Variants in KCNAB1 observed in about 807,000 individuals in gnomAD.
KCNAB1 encodes potassium voltage-gated channel subfamily A regulatory beta subunit 1.
Under a neutral mutation model 64.6 loss-of-function variants are expected in KCNAB1, and 35 were observed. That is an observed-to-expected ratio of 0.54 (90% CI 0.41 to 0.72). The LOEUF (loss-of-function observed/expected upper bound fraction) is 0.72. KCNAB1 is among the 30% of genes least tolerant of loss of function. The pLI is 0.00. For missense variants in KCNAB1, 401 were observed against 512.9 expected (o/e 0.78, Z 2.11); for synonymous variants, 177 against 183.8 (o/e 0.96, Z 0.30).
intron 8 of KCNAB1, among the ~76,000 whole-genome samples, chr3:156,503,151 T>C (rs1388402770): frequency 6.6e-6 from 1 of 152,190 alleles, no homozygotes; most frequent in Non-Finnish European, 1.5e-5. Flanking sequence ...ACTGATTACT[T>C]GGAATCACCA....
chr3:156,395,567 A>G (rs1287050181), intron 1 of KCNAB1, among the ~76,000 whole-genome samples: 3 of 127,546 alleles, frequency 2.4e-5, no homozygotes, highest in Admixed American at 2.2e-4. Flanking sequence ...AAAAAAAAAA[A>G]AAAAAAAAAA....
chr3:156,328,691 T>G (rs969527859), intron 1 of KCNAB1, among the ~76,000 whole-genome samples: 2 of 152,228 alleles, frequency 1.3e-5, no homozygotes, highest in Non-Finnish European at 2.9e-5. Context: ...AGTTGCATCT[T>G]CTGATCTCTG....
At chr3:156,321,411 A>G (rs1389291506) in intron 1 of KCNAB1, among the ~76,000 whole-genome samples, 2 of 152,062 alleles carry the variant, frequency 1.3e-5, no homozygotes, top group African/African-American at 4.8e-5. Context: ...TGAGGCAAAT[A>G]CTCTATTATC....
chr3:156,501,324 G>C (rs1235697430), intron 8 of KCNAB1, among the ~76,000 whole-genome samples: 1 of 151,044 alleles, frequency 6.6e-6, no homozygotes, highest in South Asian at 2.1e-4. Context: ...AGGAGTATAT[G>C]GTATATGAAT....
At chr3:156,237,044 T>C (rs1013634299) in intron 1 of KCNAB1, among the ~76,000 whole-genome samples, 2 of 152,170 alleles carry the variant, frequency 1.3e-5, no homozygotes, top group African/African-American at 4.8e-5. Flanking sequence ...GCTAGGCTCT[T>C]TGTAAGGACG....
At chr3:156,490,190 T>C (rs1430279300) in intron 8 of KCNAB1, among the ~76,000 whole-genome samples, 1 of 151,976 alleles carries the variant, frequency 6.6e-6, no homozygotes, top group Non-Finnish European at 1.5e-5. Context: ...ACCCTCCCCA[T>C]GCAGAAGACA....
chr3:156,295,011 A>AC (rs1462957455), intron 1 of KCNAB1, among the ~76,000 whole-genome samples: 9 of 152,366 alleles, frequency 5.9e-5, no homozygotes, highest in Admixed American at 2.6e-4. Context: ...AAGGTGCAGA[A>AC]GCCAGGTGAA....
At chr3:156,482,326 T>A (rs1406288125) in intron 8 of KCNAB1, among the ~76,000 whole-genome samples, 1 of 152,054 alleles carries the variant, frequency 6.6e-6, no homozygotes, top group Non-Finnish European at 1.5e-5. Context: ...GAATACTTAC[T>A]ATTTAAGCAC....
At chr3:156,228,863 G>C (rs1716345971) in intron 1 of KCNAB1, among the ~76,000 whole-genome samples, 1 of 152,338 alleles carries the variant, frequency 6.6e-6, no homozygotes, top group East Asian at 1.9e-4. Flanking sequence ...TTGTAGGCTG[G>C]TTATTTCCCA....
intron 1 of KCNAB1, among the ~76,000 whole-genome samples, chr3:156,193,037 A>G (rs1713661341): frequency 6.6e-6 from 1 of 152,044 alleles, no homozygotes; most frequent in African/African-American, 2.4e-5. Flanking sequence ...TAAATCTACC[A>G]TTCTTGTATT....
chr3:156,138,002 T>C (rs1038855237), intron 1 of KCNAB1, among the ~76,000 whole-genome samples: 8 of 152,212 alleles, frequency 5.3e-5, no homozygotes, highest in Non-Finnish European at 1.0e-4. Flanking sequence ...TTTGCTCATA[T>C]CACATCACTT....
intron 8 of KCNAB1, among the ~76,000 whole-genome samples, chr3:156,511,974 C>G (rs1412552172): frequency 6.6e-6 from 1 of 152,200 alleles, no homozygotes; most frequent in Non-Finnish European, 1.5e-5. Flanking sequence ...GCCTCGAATG[C>G]TCTTCCACTG....
intron 12 of KCNAB1, among the ~76,000 whole-genome samples, chr3:156,531,162 A>C (rs1193005284): frequency 6.6e-6 from 1 of 152,194 alleles, no homozygotes; most frequent in Admixed American, 6.5e-5. Context: ...AGAGAATCTT[A>C]CAATCCATTG....
intron 2 of KCNAB1, among the ~76,000 whole-genome samples, chr3:156,434,901 T>A (rs1320604716): frequency 1.3e-5 from 2 of 152,196 alleles, no homozygotes; most frequent in East Asian, 3.8e-4. Context: ...AAGATGGTAC[T>A]GTTTTAATTT....
At chr3:156,490,499 G>C (rs957081434) in intron 8 of KCNAB1, among the ~76,000 whole-genome samples, 1 of 152,054 alleles carries the variant, frequency 6.6e-6, no homozygotes, top group African/African-American at 2.4e-5. Flanking sequence ...TGATATAAGA[G>C]AAGGTACTAC....
chr3:156,126,866 G>T (rs1467203260), intron 1 of KCNAB1, among the ~76,000 whole-genome samples: 4 of 152,036 alleles, frequency 2.6e-5, no homozygotes, highest in African/African-American at 9.7e-5. Flanking sequence ...ACAGCAGTGG[G>T]CACATATAGT....
At chr3:156,526,117 C>T (rs1718291391) in intron 12 of KCNAB1, among the ~76,000 whole-genome samples, 1 of 152,148 alleles carries the variant, frequency 6.6e-6, no homozygotes, top group Admixed American at 6.5e-5. Flanking sequence ...ATACACAACA[C>T]CATGTGTTAC....
At chr3:156,211,786 C>T (rs1715024569) in intron 1 of KCNAB1, among the ~76,000 whole-genome samples, 2 of 152,200 alleles carry the variant, frequency 1.3e-5, no homozygotes, top group African/African-American at 2.4e-5. Flanking sequence ...ATATGTCTAT[C>T]TATGTGACAG....
intron 1 of KCNAB1, among the ~76,000 whole-genome samples, chr3:156,310,313 T>C (rs1321044053): frequency 6.6e-6 from 1 of 152,152 alleles, no homozygotes; most frequent in Non-Finnish European, 1.5e-5. Flanking sequence ...CACTGGCTGC[T>C]GTAGGGTGTG....
Sources: allele counts gnomAD v4.1 joint callset (sites outside exome capture counted in the v4.1 genomes callset), GRCh38; gene constraint gnomAD v4.1.1; transcripts MANE v1.5; gene names NCBI Gene and HGNC (gene_info 2026-07-23, HGNC 2026-07-21).